Variants in MYO7B observed in about 807,000 individuals in gnomAD.
The protein encoded by MYO7B is unconventional myosin-VIIb.
In MYO7B, 212 loss-of-function variants were observed where a neutral mutation model predicts 259.7. That is an observed-to-expected ratio of 0.82 (90% CI 0.73 to 0.91). The LOEUF is 0.91. Among genes scored for constraint, MYO7B ranks in the 40% least tolerant of loss-of-function variants. MYO7B has a pLI of 0.00. For missense variants in MYO7B, 2,732 were observed against 2,813.5 expected, an observed-to-expected ratio of 0.97 and a Z score of 0.66; for synonymous variants, 1,197 against 1,166.4, an observed-to-expected ratio of 1.03 and a Z score of -0.54.
At chr2:127,558,792 T>C (rs1216422507) in intron 1 of MYO7B, among the ~76,000 whole-genome samples, 1 of 152,144 alleles carries the variant, frequency 6.6e-6, no homozygotes, top group Non-Finnish European at 1.5e-5. Flanking sequence ...AACTCGGGAA[T>C]GGAAAACCAA....
intron 17 of MYO7B, among the ~76,000 whole-genome samples, chr2:127,593,179 G>C (rs1248268028): frequency 6.6e-6 from 1 of 152,204 alleles, no homozygotes; most frequent in African/African-American, 2.4e-5. Context: ...CGGCCGCAGC[G>C]GTTCCTTCTG....
At chr2:127,560,523 A>C (rs1334869781) in intron 2 of MYO7B, among the ~76,000 whole-genome samples, 3 of 152,196 alleles carry the variant, frequency 2.0e-5, no homozygotes, top group South Asian at 2.1e-4. Context: ...GGAAGAAAGC[A>C]GAGGAGTTTT....
chr2:127,577,559 C>T lies in MYO7B; in HGVS notation c.850-574C>T, dbSNP rs922624896. ...AACACCCACCCCAGCCTCCCCGCAG[C>T]CCTGTCCCTGCCTCCCCACCTCGTG... On this transcript the variant is annotated intron_variant, in intron 8 of 47. Transcript: ENST00000409816. The surrounding 1 kb of genome is among the most constrained non-coding windows in gnomAD (Gnocchi z 5.2). Among the ~76,000 whole-genome samples, 1 of 152,174 alleles carries T rather than the reference C, an allele frequency of 6.6e-6. No individual in the cohort carries two copies. Among genetic ancestry groups the T allele is most frequent in the Non-Finnish European group, 1.5e-5 (1 of 68,028 alleles).
intron 29 of MYO7B, 64 bp downstream of exon 29, chr2:127,623,439 G>A: frequency 6.9e-7 from 1 of 1,448,770 alleles, no homozygotes; most frequent in African/African-American, 1.4e-5. Context: ...GCACCCTGAG[G>A]CTCAAGCCCT....
intron 11 of MYO7B, 87 bp downstream of exon 11, chr2:127,582,097 C>T: frequency 6.3e-7 from 1 of 1,588,092 alleles, no homozygotes; most frequent in Non-Finnish European, 8.6e-7. Context: ...CAGGATGGAG[C>T]AGAGGGCCCT....
At position 127,581,881 on chromosome 2, in the gene MYO7B, G is replaced by T. The variant is rs4662740; in HGVS notation, c.1081-10G>T. 649,161 of 1,612,964 alleles carry T rather than the reference G, an allele frequency of 0.4. 141,245 individuals are homozygous for T. Among genetic ancestry groups the T allele is most frequent in the East Asian group, 0.69 (30,822 of 44,844 alleles). ...CACAGGTGCGACGCAGCCCCCACCT[G>T]CCTCCCCAGGTGCAGCACCAGGAGC... On this transcript the variant is annotated splice_polypyrimidine_tract_variant and intron_variant, in intron 10 of 47. Coordinates refer to ENST00000409816, the MANE Select transcript of MYO7B (RefSeq NM_001393586.1).
At position 127,585,470 on chromosome 2, in the gene MYO7B, C is replaced by T. The variant is rs988695339; in HGVS notation, c.1690+557C>T. ...ATTCCATTATCTGGAATGTTTATCT[C>T]GTCATCAGTTGGCGGACATTTGGGT... On this transcript the variant is annotated intron_variant, in intron 14 of 47. Coordinates refer to ENST00000409816, the MANE Select transcript of MYO7B (RefSeq NM_001393586.1). The surrounding 1 kb of genome is among the most constrained non-coding windows in gnomAD (Gnocchi z 4.3). Among the ~76,000 whole-genome samples, 2 of 152,152 alleles carry T rather than the reference C, an allele frequency of 1.3e-5. No homozygotes were observed. The highest frequency in any genetic ancestry group is 2.4e-5 in the African/African-American group (1 of 41,426).
chr2:127,608,038 A>G (rs1040354750), intron 21 of MYO7B, among the ~76,000 whole-genome samples: 3 of 152,190 alleles, frequency 2.0e-5, no homozygotes, highest in African/African-American at 7.2e-5. Context: ...GAGGACACTG[A>G]GCAGGGGGAC....
chr2:127,564,831 T>A (rs776851606), intron 3 of MYO7B, among the ~76,000 whole-genome samples: 12 of 152,174 alleles, frequency 7.9e-5, no homozygotes, highest in Non-Finnish European at 1.6e-4. Flanking sequence ...AATAACAATA[T>A]CTTCTATTTG....
intron 1 of MYO7B, among the ~76,000 whole-genome samples, chr2:127,553,112 A>G (rs1183640360): frequency 1.3e-5 from 2 of 152,194 alleles, no homozygotes; most frequent in Non-Finnish European, 2.9e-5. Flanking sequence ...CATCCTCTCC[A>G]AGGGCTTCAT....
At chr2:127,571,517 G>A (rs1293039488) in intron 6 of MYO7B, among the ~76,000 whole-genome samples, 1 of 118,670 alleles carries the variant, frequency 8.4e-6, no homozygotes, top group Non-Finnish European at 1.7e-5. Flanking sequence ...TTTCGCTCTT[G>A]TTGCCCAGGC....
chr2:127,559,582 C>A lies in MYO7B; in HGVS notation c.-23-118C>A, dbSNP rs1677982356. 4.5e-6 allele frequency: 4 copies of A among 880,960 alleles called. No individual in the cohort carries two copies. Among genetic ancestry groups the A allele is most frequent in the South Asian group, 2.8e-5 (2 of 72,294 alleles). 54.6% of individuals were successfully genotyped at this position (880,960 alleles called of 1,614,324 possible). A position where few individuals can be genotyped will look rare whatever the true frequency, so the allele number is the denominator to read the frequency against. On this transcript the variant is annotated intron_variant, in intron 1 of 47. Transcript: ENST00000409816. This position sits in a 1 kb window ranked among gnomAD's most constrained non-coding sequence, Gnocchi z 4.1. ...CCATTTATTCAGCATTGTTTTTGAG[C>A]CAGGTCCCATGCCGGGCACTTAGGG... is the stretch of plus-strand genomic sequence containing the variant.
At position 127,536,861 on chromosome 2, in the gene MYO7B, G is replaced by A. The variant is rs115881152; in HGVS notation, c.-24+1030G>A. Among the ~76,000 whole-genome samples, 1,414 of 152,274 alleles carry A rather than the reference G, an allele frequency of 9.3e-3. 26 individuals carry two copies. Among genetic ancestry groups the A allele is most frequent in the African/African-American group, 0.033 (1,356 of 41,550 alleles). On this transcript the variant is annotated intron_variant, in intron 1 of 47. Coordinates refer to ENST00000409816, the MANE Select transcript of MYO7B (RefSeq NM_001393586.1). ...TCCCTGGACCTGCTGGGGGCCCTAC[G>A]TCTGTCCTCAGATGCCACCTCTAAG...
intron 30 of MYO7B, among the ~76,000 whole-genome samples, chr2:127,624,875 C>T (rs529078007): frequency 7.2e-5 from 11 of 152,306 alleles, no homozygotes; most frequent in African/African-American, 2.6e-4. Context: ...GATGCTGTTC[C>T]GGGACCCATT....
chr2:127,609,448 A>G lies in MYO7B; in HGVS notation c.2815-58A>G. The G allele has an allele frequency of 6.7e-7, 1 of 1,500,388 alleles. No individual in the cohort carries two copies. Among genetic ancestry groups the G allele is most frequent in the Non-Finnish European group, 9.1e-7 (1 of 1,097,524 alleles). 92.9% of individuals were successfully genotyped at this position (1,500,388 alleles called of 1,614,324 possible). A position where few individuals can be genotyped will look rare whatever the true frequency, so the allele number is the denominator to read the frequency against. ...GCCCGGCCTGCTGGACAGTCAGCTG[A>G]TGGGTTGGTTGTTACCTGAAAGCCC... is the stretch of plus-strand genomic sequence containing the variant. On this transcript the variant is annotated intron_variant, in intron 22 of 47. Coordinates refer to ENST00000409816, the MANE Select transcript of MYO7B (RefSeq NM_001393586.1). The surrounding 1 kb of genome is among the most constrained non-coding windows in gnomAD (Gnocchi z 6.9).
chr2:127,635,361 A>G, intron 43 of MYO7B, 135 bp downstream of exon 43: 1 of 840,172 alleles, frequency 1.2e-6, no homozygotes, highest in Non-Finnish European at 1.9e-6. Context: ...TAGGCAGACC[A>G]AGCCCCTGAG....
chr2:127,595,824 G>T lies in MYO7B; in HGVS notation c.2245-638G>T, dbSNP rs534681410. Among the ~76,000 whole-genome samples the T allele has an allele frequency of 1.4e-4, 21 of 152,298 alleles. No individual in the cohort carries two copies. The South Asian group carries it at 4.1e-3, about 30-fold the overall frequency. On this transcript the variant is annotated intron_variant, in intron 18 of 47. Transcript: ENST00000409816. ...TGAGTTCTAAGTTGATTGCACTGTAGTCTGAGAGACTGTTATGTTTTCCGT... is the reference window on the plus strand; with the variant it reads ...TGAGTTCTAAGTTGATTGCACTGTATTCTGAGAGACTGTTATGTTTTCCGT...
rs1453916565 is a variant in MYO7B at position 127,628,480 on chromosome 2, G to A, written c.4569G>A (p.Glu1523=). 1.3e-6 allele frequency: 2 copies of A among 1,559,178 alleles called. No individual in the cohort carries two copies. The highest frequency in any genetic ancestry group is 1.4e-5 in the African/African-American group (1 of 73,680). Residue 1523 remains glutamate, a synonymous_variant, in exon 34 of 48, where the codon GAG becomes GAA. Transcript: ENST00000409816. This position sits in a 1 kb window ranked among gnomAD's most constrained non-coding sequence, Gnocchi z 4.8. ...CTGAGCTGGTGGCCCTGTTCCTGGA[G>A]GGCCTGAAGGAGAGGTCCATTTTCG... ...AIAELVALFL[E]GLKERSIFAM...
At chr2:127,625,871 C>A (rs115982962) in intron 31 of MYO7B, 2,754 of 248,542 alleles carry the variant, frequency 0.011, 84 homozygotes, top group African/African-American at 0.057. Context: ...CATACCATGG[C>A]CTTGGGGGCC....
Sources: gnomAD v4.1 joint callset for allele counts (sites outside exome capture counted in the v4.1 genomes callset) on GRCh38, gnomAD v4.1.1 for gene constraint, Gnocchi (gnomAD v3.1) non-coding constraint, MANE v1.5 for transcripts, NCBI Gene and HGNC (gene_info 2026-07-23, HGNC 2026-07-21) for gene names.